Variants in PRKCA observed in about 807,000 individuals in gnomAD.
The protein encoded by PRKCA is protein kinase C alpha type.
In PRKCA, 27 loss-of-function variants were observed where a neutral mutation model predicts 87.0. That is an observed-to-expected ratio of 0.31 (90% CI 0.23 to 0.43). The LOEUF (loss-of-function observed/expected upper bound fraction) is 0.43. Among genes scored for constraint, PRKCA ranks in the 20% least tolerant of loss-of-function variants. The pLI, the probability that PRKCA is intolerant of heterozygous loss-of-function variation, is 1.00. For synonymous variants in PRKCA, 329 were observed against 311.1 expected (o/e 1.06, Z -0.61); for missense variants, 518 against 852.3 (o/e 0.61, Z 4.88).
intron 2 of PRKCA, among the ~76,000 whole-genome samples, chr17:66,390,821 A>G (rs1359224277): frequency 6.6e-6 from 1 of 152,188 alleles, no homozygotes; most frequent in African/African-American, 2.4e-5. Context: ...AAACAGCTCC[A>G]CCACCACAGC....
chr17:66,309,342 A>G (rs572109151), intron 2 of PRKCA, among the ~76,000 whole-genome samples: 1 of 152,320 alleles, frequency 6.6e-6, no homozygotes, highest in South Asian at 2.1e-4. Context: ...GTGAAGTACT[A>G]AAGTTATTTC....
intron 2 of PRKCA, 129 bp downstream of exon 2, chr17:66,306,256 G>T: frequency 2.0e-6 from 2 of 1,016,646 alleles, no homozygotes; most frequent in South Asian, 1.7e-5. Context: ...AAATATGAGG[G>T]CTGTAAATTT....
chr17:66,594,960 A>G (rs1416769780), intron 3 of PRKCA, among the ~76,000 whole-genome samples: 1 of 152,206 alleles, frequency 6.6e-6, no homozygotes, highest in Admixed American at 6.5e-5. Context: ...ATAGACATGT[A>G]TTCTCTCACA....
chr17:66,763,924 C>G (rs2093348324), intron 13 of PRKCA, among the ~76,000 whole-genome samples: 2 of 152,144 alleles, frequency 1.3e-5, no homozygotes, highest in South Asian at 4.1e-4. Context: ...CTGTTTTGAT[C>G]CTGTTAAGCA....
chr17:66,400,450 G>T (rs1460528935), intron 2 of PRKCA, among the ~76,000 whole-genome samples: 1 of 152,158 alleles, frequency 6.6e-6, no homozygotes, highest in Non-Finnish European at 1.5e-5. Flanking sequence ...CCATGCCTGG[G>T]TTAACTATAG....
intron 3 of PRKCA, among the ~76,000 whole-genome samples, chr17:66,593,092 A>G (rs747063949): frequency 6.6e-6 from 1 of 152,192 alleles, no homozygotes; most frequent in African/African-American, 2.4e-5. Flanking sequence ...GCCCGGCCCA[A>G]TTCATTTTAT....
chr17:66,588,522 C>T (rs1461513442), intron 3 of PRKCA, among the ~76,000 whole-genome samples: 1 of 151,832 alleles, frequency 6.6e-6, no homozygotes. Flanking sequence ...ATTTGTTCTG[C>T]TCCTGAGACA....
chr17:66,502,667 T>G (rs928684243), intron 3 of PRKCA, among the ~76,000 whole-genome samples: 2 of 151,902 alleles, frequency 1.3e-5, no homozygotes, highest in African/African-American at 4.8e-5. Flanking sequence ...CAGCTTTCTT[T>G]TTTTTTGAGA....
intron 5 of PRKCA, among the ~76,000 whole-genome samples, chr17:66,684,799 G>A (rs1293012972): frequency 1.3e-5 from 2 of 152,186 alleles, no homozygotes; most frequent in Non-Finnish European, 2.9e-5. Context: ...GTCTTCTTTG[G>A]CTTATCCAGG....
chr17:66,391,351 C>T (rs1023561197), intron 2 of PRKCA, among the ~76,000 whole-genome samples: 3 of 152,196 alleles, frequency 2.0e-5, no homozygotes, highest in African/African-American at 7.2e-5. Flanking sequence ...CCTTCCTCCT[C>T]CTCCAAGAAA....
intron 10 of PRKCA, among the ~76,000 whole-genome samples, chr17:66,736,453 T>C (rs1201724236): frequency 6.6e-6 from 1 of 152,038 alleles, no homozygotes; most frequent in Admixed American, 6.6e-5. Context: ...AATTTTTGTA[T>C]TTTTAGTAGA....
chr17:66,529,603 CTT>C (rs1282783984), intron 3 of PRKCA, among the ~76,000 whole-genome samples: 1 of 152,132 alleles, frequency 6.6e-6, no homozygotes, highest in Non-Finnish European at 1.5e-5. Context: ...CATAGTCAGT[CTT>C]TGCAGTTTTC....
At chr17:66,704,666 G>A (rs1383205681) in intron 8 of PRKCA, among the ~76,000 whole-genome samples, 2 of 152,186 alleles carry the variant, frequency 1.3e-5, no homozygotes, top group African/African-American at 4.8e-5. Context: ...ACTACAGGAA[G>A]TATCACCCTG....
At position 66,687,100 on chromosome 17, in the gene PRKCA, T is replaced by C. The variant is rs778015752; in HGVS notation, c.530-11T>C. On this transcript the variant is annotated splice_polypyrimidine_tract_variant and intron_variant, in intron 5 of 16. Coordinates refer to ENST00000413366, the MANE Select transcript of PRKCA (RefSeq NM_002737.3). ...TCTTTTTGTAATATTTTCTTCCTTC[T>C]CTCTTCACAGTACGAGATGCAAAAA... 1.2e-5 allele frequency: 19 copies of C among 1,600,974 alleles called. No individual in the cohort carries two copies. Among genetic ancestry groups the C allele is most frequent in the Non-Finnish European group, 1.6e-5 (19 of 1,171,446 alleles).
intron 2 of PRKCA, among the ~76,000 whole-genome samples, chr17:66,446,004 G>A (rs1914016133): frequency 6.6e-6 from 1 of 152,044 alleles, no homozygotes; most frequent in African/African-American, 2.4e-5. Flanking sequence ...TGTAGAGACA[G>A]GGTTTTGCCG....
At chr17:66,787,386 C>T (rs960719876) in intron 15 of PRKCA, among the ~76,000 whole-genome samples, 1 of 152,174 alleles carries the variant, frequency 6.6e-6, no homozygotes, top group African/African-American at 2.4e-5. Flanking sequence ...CCCAATACTT[C>T]CTGGGACTCT....
intron 2 of PRKCA, among the ~76,000 whole-genome samples, chr17:66,411,259 A>G (rs1335507909): frequency 2.0e-5 from 2 of 99,670 alleles, no homozygotes; most frequent in Non-Finnish European, 4.7e-5. Flanking sequence ...TTTTTTTTTT[A>G]AGATAGATTC....
At chr17:66,563,107 C>G (rs1026768153) in intron 3 of PRKCA, among the ~76,000 whole-genome samples, 1 of 152,094 alleles carries the variant, frequency 6.6e-6, no homozygotes, top group Non-Finnish European at 1.5e-5. Flanking sequence ...ATACCTGCCC[C>G]TCTCCTCAAC....
At chr17:66,319,383 G>A (rs1905516200) in intron 2 of PRKCA, among the ~76,000 whole-genome samples, 1 of 152,092 alleles carries the variant, frequency 6.6e-6, no homozygotes, top group Non-Finnish European at 1.5e-5. Context: ...GTTGTTTTTG[G>A]CTGACTTACC....
Sources: gnomAD v4.1 joint callset for allele counts (sites outside exome capture counted in the v4.1 genomes callset) on GRCh38, gnomAD v4.1.1 for gene constraint, MANE v1.5 for transcripts, NCBI Gene and HGNC (gene_info 2026-07-23, HGNC 2026-07-21) for gene names.